The following UTP20 variants were observed in gnomAD, a reference collection of about 807,000 sequenced individuals.
The protein encoded by UTP20 is small subunit processome component 20 homolog.
Under a neutral mutation model 329.5 loss-of-function variants are expected in UTP20, and 164 were observed. The ratio of observed to expected loss-of-function variants is 0.50; its 90% CI spans 0.44 to 0.57. The LOEUF (loss-of-function observed/expected upper bound fraction) is 0.57, where lower values mean the gene tolerates loss of function less well. Among genes scored for constraint, UTP20 ranks in the 20% least tolerant of loss-of-function variants. The pLI, the probability that UTP20 is intolerant of heterozygous loss-of-function variation, is 0.00. For missense variants in UTP20, 3,055 were observed against 3,284.2 expected, an observed-to-expected ratio of 0.93 and a Z score of 1.71; for synonymous variants, 1,151 against 1,159.3, an observed-to-expected ratio of 0.99 and a Z score of 0.14.
intron 30 of UTP20, among the ~76,000 whole-genome samples, chr12:101,338,605 C>G (rs1869014235): frequency 6.6e-6 from 1 of 152,106 alleles, no homozygotes; most frequent in African/African-American, 2.4e-5. Context: ...CCTCAGGGGT[C>G]TCTTAAATAA....
chr12:101,368,081 A>T, intron 48 of UTP20, 105 bp downstream of exon 48: 3 of 775,516 alleles, frequency 3.9e-6, no homozygotes, highest in Non-Finnish European at 6.3e-6. Flanking sequence ...TTATGAGATG[A>T]TTGAGGTGTT....
intron 27 of UTP20, 113 bp from the exon 28 acceptor site, chr12:101,333,188 T>C: frequency 9.9e-7 from 1 of 1,006,600 alleles, no homozygotes; most frequent in Non-Finnish European, 1.4e-6. Flanking sequence ...ACAGATTTAG[T>C]AACAGGATTT....
intron 12 of UTP20, among the ~76,000 whole-genome samples, chr12:101,296,383 A>T (rs1872349385): frequency 1.3e-5 from 2 of 152,102 alleles, no homozygotes; most frequent in Admixed American, 6.6e-5. Flanking sequence ...CATCCTGGCT[A>T]ACACGGTGAA....
At chr12:101,366,782 C>A in intron 47 of UTP20, 83 bp downstream of exon 47, 1 of 1,482,404 alleles carries the variant, frequency 6.7e-7, no homozygotes, top group South Asian at 1.4e-5. Flanking sequence ...TAGTACTGCT[C>A]ACTTCCATTG....
At position 101,344,627 on chromosome 12, in the gene UTP20, C is replaced by T; in HGVS notation, c.4482C>T (p.Ser1494=). The T allele has an allele frequency of 8.6e-7, 1 of 1,166,558 alleles. No homozygotes were observed. Among genetic ancestry groups the T allele is most frequent in the East Asian group, 2.3e-5 (1 of 42,908 alleles). The allele number at this position is 1,166,558 out of a possible 1,614,324, so 72.3% of individuals were successfully genotyped here. A position where few individuals can be genotyped will look rare whatever the true frequency, so the allele number is the denominator to read the frequency against. ...ATATGAGTTTAAGTGATAATGCCAG[C>T]ATGTGCCTGATGAGTATCATCAAAA... ...LGDMSLSDNA[S]MCLMSIIKKL... is the part of the protein sequence containing the mutation. Residue 1494 remains serine (S), a synonymous_variant, in exon 36 of 62, where the codon AGC becomes AGT. Transcript: ENST00000261637.
In UTP20 at chr12:101,329,265, A is replaced by G; in HGVS notation, c.3233A>G (p.Gln1078Arg). 6.2e-7 allele frequency: 1 copy of G among 1,614,156 alleles called. No individual in the cohort carries two copies. Among genetic ancestry groups the G allele is most frequent in the African/African-American group, 1.3e-5 (1 of 75,042 alleles). The stretch of plus-strand genomic sequence containing the variant: ...GGAGAGTGCCATTCTGCAGTCATTC[A>G]AGCAGTAGAAGACTTGGATTTGTCT... The part of the protein sequence containing the change: ...KNGECHSAVI[Q>R]AVEDLDLSKV... The change falls in exon 27 of 62, where the codon CAA (glutamine) becomes CGA (arginine). Residue 1078 changes from glutamine (Q) to arginine (R), a missense_variant. By Grantham distance (43) the Gln-to-Arg change is conservative (BLOSUM62 1). This residue lies in a region of UTP20 where 2,445 missense variants were observed against 2,575.5 expected (regional missense o/e 0.95). Transcript: ENST00000261637.
At chr12:101,352,917 T>TA (rs1468797292) in intron 39 of UTP20, 130 bp from the exon 40 acceptor site, 1 of 428,654 alleles carries the variant, frequency 2.3e-6, no homozygotes. Flanking sequence ...GTTATGCTAA[T>TA]ACTTGTTAAA....
At chr12:101,286,579 C>T in intron 5 of UTP20, 70 bp downstream of exon 5, 7 of 1,314,232 alleles carry the variant, frequency 5.3e-6, no homozygotes, top group Middle Eastern at 2.3e-4. Context: ...TTTATGACTC[C>T]AAACCACTTT....
In UTP20 at chr12:101,302,528, G is replaced by C; in HGVS notation, c.1756G>C (p.Val586Leu). 11 of 1,609,358 alleles carry C rather than the reference G, an allele frequency of 6.8e-6. No individual in the cohort carries two copies. The highest frequency in any genetic ancestry group is 9.3e-6 in the Non-Finnish European group (11 of 1,178,330). ...TTCTGAACTTCTTCATTTGGTTCCT[G>C]TGGAACGTGTGAAGAATTTAGTATT... is the stretch of plus-strand genomic sequence containing the variant. The part of the protein sequence containing the change: ...ESSELLHLVP[V>L]ERVKNLVLTF... The change falls in exon 15 of 62, where the codon GTG (valine) becomes CTG (leucine). Residue 586 changes from valine to leucine, a missense_variant. Physicochemically the swap from Val to Leu is conservative, Grantham distance 32. This residue lies in a region of UTP20 where 2,445 missense variants were observed against 2,575.5 expected (regional missense o/e 0.95). Transcript: ENST00000261637.
At chr12:101,305,098 C>T (rs1478358538) in intron 15 of UTP20, among the ~76,000 whole-genome samples, 2 of 152,064 alleles carry the variant, frequency 1.3e-5, no homozygotes, top group Non-Finnish European at 2.9e-5. Flanking sequence ...CAACTCCCTG[C>T]ATGTCAATCT....
chr12:101,311,838 G>A (rs1565790857), intron 20 of UTP20, 40 bp downstream of exon 20: 4 of 1,585,482 alleles, frequency 2.5e-6, no homozygotes, highest in Middle Eastern at 1.7e-4. Context: ...AAGAAAAGTG[G>A]TTGTTTAACT....
chr12:101,330,011 A>G lies in UTP20; in HGVS notation c.3417+562A>G, dbSNP rs952317180. On this transcript the variant is annotated intron_variant, in intron 27 of 61. Transcript: ENST00000261637. ...CTCTGCCTCTTAAAAAAAAAAAAAGAAAGAAAAAAAAAGGGACATTAAAAT... is the reference window on the plus strand; with the variant it reads ...CTCTGCCTCTTAAAAAAAAAAAAAGGAAGAAAAAAAAAGGGACATTAAAAT... Among the ~76,000 whole-genome samples, 6 of 151,796 alleles carry G rather than the reference A, an allele frequency of 4.0e-5. No individual in the cohort carries two copies. In the East Asian group the frequency reaches 1.2e-3, roughly 29 times the overall value.
Position 101,385,602 on chromosome 12 carries a change from A to G in UTP20, c.8076A>G (p.Leu2692=). The change falls in exon 61 of 62, where the codon CTA becomes CTG. Residue 2692 remains leucine (L), a synonymous_variant. Transcript: ENST00000261637. The stretch of plus-strand genomic sequence containing the variant: ...GATTAGATCCTTTGCTGAAGAATCT[A>G]TCCCAGGAAATCATAGAATTACTCA... ...YSEQDPLLKN[L]SQEIIELLKK... is the part of the protein sequence containing the mutation. The G allele has an allele frequency of 3.1e-6, 5 of 1,613,360 alleles. No individual in the cohort carries two copies. Among genetic ancestry groups the G allele is most frequent in the Non-Finnish European group, 4.2e-6 (5 of 1,179,876 alleles).
At position 101,363,757 on chromosome 12, in the gene UTP20, T is replaced by C. The variant is rs537696086; in HGVS notation, c.5958+14T>C. The C allele has an allele frequency of 2.6e-6, 4 of 1,542,416 alleles. No individual in the cohort carries two copies. Among genetic ancestry groups the C allele is most frequent in the Middle Eastern group, 1.7e-4 (1 of 5,920 alleles). ...CCATTAAAAGAGGTAAGGACGTAAA[T>C]GCAATTCTGGAGATCACAGCATTAC... On this transcript the variant is annotated intron_variant, in intron 45 of 61. Transcript: ENST00000261637.
intron 12 of UTP20, among the ~76,000 whole-genome samples, chr12:101,298,572 A>G (rs1478289197): frequency 6.6e-6 from 1 of 152,162 alleles, no homozygotes; most frequent in Non-Finnish European, 1.5e-5. Context: ...GCCTTACAGG[A>G]TGACTTAAGG....
At chr12:101,292,697 G>A (rs1439490358) in intron 10 of UTP20, among the ~76,000 whole-genome samples, 1 of 152,158 alleles carries the variant, frequency 6.6e-6, no homozygotes, top group Admixed American at 6.5e-5. Context: ...CTGAGCGCAT[G>A]GACACATGAT....
chr12:101,314,127 G>A (rs2137254576), intron 21 of UTP20, among the ~76,000 whole-genome samples: 1 of 152,268 alleles, frequency 6.6e-6, no homozygotes, highest in African/African-American at 2.4e-5. Context: ...TGGGAGATAA[G>A]GAACCAGCAA....
At chr12:101,334,322 C>T in intron 28 of UTP20, 103 bp from the exon 29 acceptor site, 1 of 944,892 alleles carries the variant, frequency 1.1e-6, no homozygotes, top group Admixed American at 2.5e-5. Flanking sequence ...TGTCCCTTGT[C>T]TTTTTCATCC....
intron 10 of UTP20, among the ~76,000 whole-genome samples, chr12:101,292,833 T>C (rs1872209472): frequency 6.6e-6 from 1 of 152,194 alleles, no homozygotes; most frequent in African/African-American, 2.4e-5. Flanking sequence ...TGCATTTTAG[T>C]GAATTTGGAA....
Sources: allele counts gnomAD v4.1 joint callset (sites outside exome capture counted in the v4.1 genomes callset), GRCh38; gene constraint gnomAD v4.1.1; regional missense constraint gnomAD v4.1.1; transcripts MANE v1.5; gene names NCBI Gene and HGNC (gene_info 2026-07-23, HGNC 2026-07-21).